IMMP2L: variants seen among roughly 807,000 people sequenced by gnomAD.
IMMP2L encodes mitochondrial inner membrane protease subunit 2.
In IMMP2L, 18 loss-of-function variants were observed where a neutral mutation model predicts 19.3. The observed-to-expected ratio is 0.93, with a 90% CI of 0.64 to 1.38. The LOEUF is 1.38. IMMP2L is among the 40% of genes most tolerant of loss of function. The probability of loss-of-function intolerance (pLI) is 0.00; values close to 1 mark genes in which losing one functional copy is unlikely to be tolerated. For synonymous variants in IMMP2L, 76 were observed against 73.0 expected, an observed-to-expected ratio of 1.04 and a Z score of -0.21; for missense variants, 233 against 218.2, an observed-to-expected ratio of 1.07 and a Z score of -0.43.
At chr7:111,357,303 A>G (rs1828814324) in intron 3 of IMMP2L, among the ~76,000 whole-genome samples, 4 of 152,164 alleles carry the variant, frequency 2.6e-5, no homozygotes, top group Admixed American at 1.3e-4. Flanking sequence ...ATGCTTAAAC[A>G]ATGAATTTTT....
intron 3 of IMMP2L, among the ~76,000 whole-genome samples, chr7:111,142,336 AAAAAAAAGAAAGAAAGAAAG>A (rs767533626): frequency 4.5e-5 from 6 of 132,672 alleles, no homozygotes; most frequent in Admixed American, 7.2e-5. Context: ...AAAAAAAAAA[AAAAAAAAGAAAGAAAGAAAG>A]AAAGAAAGAA....
intron 5 of IMMP2L, among the ~76,000 whole-genome samples, chr7:110,820,526 C>T (rs1802927409): frequency 6.6e-6 from 1 of 151,862 alleles, no homozygotes; most frequent in Non-Finnish European, 1.5e-5. Context: ...TAAGTATTAT[C>T]TGAACATATA....
At chr7:111,087,226 G>C (rs1321110523) in intron 3 of IMMP2L, among the ~76,000 whole-genome samples, 8 of 152,090 alleles carry the variant, frequency 5.3e-5, no homozygotes, top group Non-Finnish European at 1.0e-4. Context: ...GTGGCGGGCT[G>C]ATCACGAGGT....
intron 3 of IMMP2L, among the ~76,000 whole-genome samples, chr7:110,988,060 C>G (rs1822043727): frequency 6.6e-6 from 1 of 152,076 alleles, no homozygotes; most frequent in Admixed American, 6.6e-5. Context: ...CAAAGTAGAG[C>G]CTTAATTCTC....
At chr7:110,953,798 T>C (rs1818084453) in intron 4 of IMMP2L, among the ~76,000 whole-genome samples, 1 of 152,132 alleles carries the variant, frequency 6.6e-6, no homozygotes, top group East Asian at 1.9e-4. Flanking sequence ...TGTAAAAGCA[T>C]TTCTATTTCT....
intron 3 of IMMP2L, among the ~76,000 whole-genome samples, chr7:111,118,782 C>A (rs180802677): frequency 1.3e-5 from 2 of 151,962 alleles, no homozygotes; most frequent in South Asian, 2.1e-4. Flanking sequence ...GCTAAAGAAA[C>A]GATAAATTTC....
At chr7:110,831,306 G>A (rs1300758376) in intron 5 of IMMP2L, among the ~76,000 whole-genome samples, 2 of 152,052 alleles carry the variant, frequency 1.3e-5, no homozygotes, top group African/African-American at 2.4e-5. Flanking sequence ...TTAAGGGTTT[G>A]TGTGATTACA....
At chr7:111,015,337 G>A (rs1464808549) in intron 3 of IMMP2L, among the ~76,000 whole-genome samples, 2 of 152,076 alleles carry the variant, frequency 1.3e-5, no homozygotes, top group African/African-American at 4.8e-5. Context: ...CCATTTAAAT[G>A]AGGTATCTAA....
At chr7:110,932,841 T>C (rs923593980) in intron 4 of IMMP2L, among the ~76,000 whole-genome samples, 4 of 152,140 alleles carry the variant, frequency 2.6e-5, no homozygotes, top group East Asian at 1.9e-4. Context: ...ATTGAAAGAA[T>C]AGGGTAAAAA....
intron 5 of IMMP2L, among the ~76,000 whole-genome samples, chr7:110,827,192 T>A (rs1198262954): frequency 2.0e-5 from 3 of 152,098 alleles, no homozygotes; most frequent in Non-Finnish European, 4.4e-5. Flanking sequence ...CTTCCCTATA[T>A]CCTCTCCATT....
chr7:111,292,997 CA>C (rs1821269449), intron 3 of IMMP2L, among the ~76,000 whole-genome samples: 1 of 151,870 alleles, frequency 6.6e-6, no homozygotes, highest in Non-Finnish European at 1.5e-5. Flanking sequence ...AATAATAAGT[CA>C]AAAGACTTAA....
chr7:111,097,540 T>G (rs1797530336), intron 3 of IMMP2L, among the ~76,000 whole-genome samples: 1 of 151,836 alleles, frequency 6.6e-6, no homozygotes, highest in South Asian at 2.1e-4. Context: ...GATTAAAGCA[T>G]TTAAATAACA....
chr7:111,151,649 G>C (rs888902260), intron 3 of IMMP2L, among the ~76,000 whole-genome samples: 2 of 152,134 alleles, frequency 1.3e-5, no homozygotes, highest in African/African-American at 4.8e-5. Context: ...ACGGAAATCT[G>C]AACACAGGGC....
chr7:110,798,306 T>C (rs191628682), intron 5 of IMMP2L, among the ~76,000 whole-genome samples: 131 of 151,968 alleles, frequency 8.6e-4, no homozygotes, highest in Non-Finnish European at 1.4e-3. Flanking sequence ...GAAGAGGCAA[T>C]CATACAACAC....
chr7:110,774,534 AAT>A (rs1397981610), intron 5 of IMMP2L, among the ~76,000 whole-genome samples: 5 of 152,090 alleles, frequency 3.3e-5, no homozygotes, highest in Admixed American at 6.6e-5. Context: ...GTTCAATTTA[AAT>A]ATAGTTATGT....
At chr7:110,669,246 C>G (rs1791721378) in intron 5 of IMMP2L, among the ~76,000 whole-genome samples, 1 of 152,034 alleles carries the variant, frequency 6.6e-6, no homozygotes, top group Non-Finnish European at 1.5e-5. Flanking sequence ...CGTTGCAGTT[C>G]GAGTCCAAAG....
intron 3 of IMMP2L, among the ~76,000 whole-genome samples, chr7:111,285,512 G>C (rs941695186): frequency 6.6e-6 from 1 of 151,982 alleles, no homozygotes; most frequent in Non-Finnish European, 1.5e-5. Context: ...TAGCTTAAAG[G>C]GGAATCATTG....
Position 110,989,110 on chromosome 7 carries a change from C to T in IMMP2L, c.240-25545G>A, listed in dbSNP as rs575455011. Among the ~76,000 whole-genome samples, 294 of 152,212 alleles carry T rather than the reference C, an allele frequency of 1.9e-3. 2 individuals are homozygous for T. Among genetic ancestry groups the T allele is most frequent in the African/African-American group, 6.7e-3 (277 of 41,524 alleles). ...ATTAGCCGGGTGTCGTGGCACATGC[C>T]TGTAATCCCAGCTACTAGAGAGGTT... On this transcript the variant is annotated intron_variant, in intron 3 of 5. Transcript: ENST00000405709.
chr7:111,422,278 T>A (rs1242822193), intron 3 of IMMP2L, among the ~76,000 whole-genome samples: 1 of 151,928 alleles, frequency 6.6e-6, no homozygotes, highest in Admixed American at 6.6e-5. Flanking sequence ...GGTAGCTTGA[T>A]GGGGATGGCA....
Sources: allele counts gnomAD v4.1 joint callset (sites outside exome capture counted in the v4.1 genomes callset), GRCh38; gene constraint gnomAD v4.1.1; transcripts MANE v1.5; gene names NCBI Gene and HGNC (gene_info 2026-07-23, HGNC 2026-07-21).